The following SKAP2 variants were observed in gnomAD, a reference collection of about 807,000 sequenced individuals.
The protein encoded by SKAP2 is src kinase associated phosphoprotein 2.
Under a neutral mutation model 54.9 loss-of-function variants are expected in SKAP2, and 28 were observed. The observed-to-expected ratio is 0.51, with a 90% CI of 0.38 to 0.70. The LOEUF is 0.70. SKAP2 is among the 30% of genes least tolerant of loss of function. SKAP2 has a pLI of 0.00. For synonymous variants in SKAP2, 137 were observed against 134.3 expected (o/e 1.02, Z -0.14); for missense variants, 356 against 424.1 (o/e 0.84, Z 1.41).
At chr7:26,820,729 T>TTGA (rs1784369347) in intron 4 of SKAP2, among the ~76,000 whole-genome samples, 1 of 152,148 alleles carries the variant, frequency 6.6e-6, no homozygotes, top group Non-Finnish European at 1.5e-5. Context: ...TAATCAGTTA[T>TTGA]CTTTTAGCTA....
In SKAP2 at chr7:26,738,785, C is replaced by T. The variant is rs538011222; in HGVS notation, c.469+10G>A. ...CAATAGTAGTTGATATAATTGAACA[C>T]CAACATTACCTTTATCACTTCCATA... On this transcript the variant is annotated intron_variant, in intron 6 of 12. Transcript: ENST00000345317. 2 of 1,518,692 alleles carry T rather than the reference C, an allele frequency of 1.3e-6. No homozygotes were observed. Among genetic ancestry groups the T allele is most frequent in the South Asian group, 2.3e-5 (2 of 88,762 alleles). 94.1% of individuals were successfully genotyped at this position (1,518,692 alleles called of 1,614,324 possible).
At chr7:26,765,379 G>T (rs969013270) in intron 4 of SKAP2, among the ~76,000 whole-genome samples, 2 of 152,008 alleles carry the variant, frequency 1.3e-5, no homozygotes, top group South Asian at 4.2e-4. Flanking sequence ...TTAGCCCCCT[G>T]TCAGATGGAT....
chr7:26,710,127 CTT>C (rs1412033886), intron 9 of SKAP2, among the ~76,000 whole-genome samples: 1 of 152,066 alleles, frequency 6.6e-6, no homozygotes, highest in Middle Eastern at 3.2e-3. Context: ...TAACTAAAGA[CTT>C]TGCACTATTC....
chr7:26,691,258 G>C (rs1246192233), intron 9 of SKAP2, among the ~76,000 whole-genome samples: 1 of 152,052 alleles, frequency 6.6e-6, no homozygotes, highest in East Asian at 1.9e-4. Context: ...AATTAAATGA[G>C]AAGAGCTTTA....
intron 10 of SKAP2, among the ~76,000 whole-genome samples, chr7:26,686,275 A>T (rs937490440): frequency 6.6e-6 from 1 of 152,156 alleles, no homozygotes; most frequent in Non-Finnish European, 1.5e-5. Flanking sequence ...ACCTAGTAAA[A>T]TCCCTCTATT....
intron 9 of SKAP2, among the ~76,000 whole-genome samples, chr7:26,715,287 T>C (rs778226511): frequency 3.3e-5 from 5 of 152,132 alleles, no homozygotes; most frequent in Non-Finnish European, 7.4e-5. Context: ...AATGGCTAAG[T>C]GATCCAAACC....
intron 4 of SKAP2, among the ~76,000 whole-genome samples, chr7:26,755,507 T>C (rs1453100731): frequency 6.6e-6 from 1 of 152,170 alleles, no homozygotes; most frequent in African/African-American, 2.4e-5. Context: ...GTAAAGGATA[T>C]GAACCCAGTA....
intron 9 of SKAP2, among the ~76,000 whole-genome samples, chr7:26,716,225 G>C (rs1173202822): frequency 6.6e-6 from 1 of 151,964 alleles, no homozygotes; most frequent in East Asian, 1.9e-4. Context: ...TTTTTGAAAG[G>C]GGTATCTTAA....
At chr7:26,725,372 TCACACA>T (rs139615753) in intron 9 of SKAP2, 50 bp downstream of exon 9, 2 of 1,124,860 alleles carry the variant, frequency 1.8e-6, no homozygotes, top group African/African-American at 1.6e-5. Context: ...ACACACACAC[TCACACA>T]CACACACACA....
intron 1 of SKAP2, among the ~76,000 whole-genome samples, chr7:26,855,417 T>C (rs1467775782): frequency 2.6e-5 from 4 of 152,106 alleles, no homozygotes; most frequent in Non-Finnish European, 2.9e-5. Flanking sequence ...TCCACTTTTC[T>C]AGCCAAGATT....
At chr7:26,817,498 C>T (rs1784292700) in intron 4 of SKAP2, among the ~76,000 whole-genome samples, 1 of 152,032 alleles carries the variant, frequency 6.6e-6, no homozygotes, top group Non-Finnish European at 1.5e-5. Flanking sequence ...TAAAGAACAA[C>T]ACCTATGTCT....
intron 4 of SKAP2, among the ~76,000 whole-genome samples, chr7:26,806,957 G>C (rs544146808): frequency 1.3e-5 from 2 of 152,318 alleles, no homozygotes; most frequent in Admixed American, 6.5e-5. Context: ...GGATGACTTA[G>C]AGGTTCAGGA....
At chr7:26,785,400 A>G (rs987723842) in intron 4 of SKAP2, among the ~76,000 whole-genome samples, 23 of 151,992 alleles carry the variant, frequency 1.5e-4, no homozygotes, top group Admixed American at 1.3e-3. Flanking sequence ...GTTAGCCAGG[A>G]TGGTCTCGAT....
intron 9 of SKAP2, among the ~76,000 whole-genome samples, chr7:26,712,432 CT>C (rs1205847232): frequency 6.6e-6 from 1 of 152,108 alleles, no homozygotes; most frequent in African/African-American, 2.4e-5. Flanking sequence ...CTTCTGGTGT[CT>C]TTTTTATATG....
At chr7:26,806,258 C>G (rs146593507) in intron 4 of SKAP2, among the ~76,000 whole-genome samples, 1 of 152,266 alleles carries the variant, frequency 6.6e-6, no homozygotes, top group African/African-American at 2.4e-5. Context: ...AAGAATCACA[C>G]ACCTCTCACT....
rs80354949 is a variant in SKAP2, at chr7:26,754,701, C to T, written c.308-14737G>A. ...CAAAACGATTGCTAACAACACACAA[C>T]AACTGATGTAACTTCATGTAAACAA... On this transcript the variant is annotated intron_variant, in intron 4 of 12. Transcript: ENST00000345317. Among the ~76,000 whole-genome samples, 886 of 152,306 alleles carry T rather than the reference C, an allele frequency of 5.8e-3. 10 individuals are homozygous for T. The highest frequency in any genetic ancestry group is 0.02 in the African/African-American group (846 of 41,566).
intron 9 of SKAP2, among the ~76,000 whole-genome samples, chr7:26,698,387 T>C (rs1354765412): frequency 1.3e-5 from 2 of 152,200 alleles, no homozygotes; most frequent in Non-Finnish European, 2.9e-5. Flanking sequence ...ACATTATGTG[T>C]CTTTTTCACT....
At chr7:26,686,766 T>A (rs1786652477) in intron 10 of SKAP2, among the ~76,000 whole-genome samples, 1 of 152,096 alleles carries the variant, frequency 6.6e-6, no homozygotes, top group Non-Finnish European at 1.5e-5. Context: ...AGTCAGGGAA[T>A]TAGAGCAAAG....
Position 26,733,117 on chromosome 7 carries a change from C to T in SKAP2, c.469+5678G>A, listed in dbSNP as rs1002723299. Among the ~76,000 whole-genome samples, 12 of 149,580 alleles carry T rather than the reference C, an allele frequency of 8.0e-5. No individual in the cohort carries two copies. The South Asian group carries it at 1.1e-3, about 13-fold the overall frequency. ...CTGCACTCTGGCCTGGGCAACAGAG[C>T]GAGACCCCGTCTCAAAAAAAAAAAA... On this transcript the variant is annotated intron_variant, in intron 6 of 12. Coordinates refer to ENST00000345317, the MANE Select transcript of SKAP2 (RefSeq NM_003930.5).
Sources: gnomAD v4.1 joint callset for allele counts (sites outside exome capture counted in the v4.1 genomes callset) on GRCh38, gnomAD v4.1.1 for gene constraint, MANE v1.5 for transcripts, NCBI Gene and HGNC (gene_info 2026-07-23, HGNC 2026-07-21) for gene names.